AXIN2: variants seen among roughly 807,000 people sequenced by gnomAD.
AXIN2 encodes axin 2.
Under a neutral mutation model 74.7 loss-of-function variants are expected in AXIN2, and 21 were observed. That is an observed-to-expected ratio of 0.28 (90% CI 0.20 to 0.40). AXIN2 has a LOEUF of 0.40. Among genes scored for constraint, AXIN2 ranks in the 10% least tolerant of loss-of-function variants. AXIN2 has a pLI of 1.00. For synonymous variants in AXIN2, 532 were observed against 454.9 expected, an observed-to-expected ratio of 1.17 and a Z score of -2.16; for missense variants, 1,144 against 1,111.1, an observed-to-expected ratio of 1.03 and a Z score of -0.42.
At chr17:65,537,110 C>T in intron 6 of AXIN2, 47 bp from the exon 7 acceptor site, 2 of 1,578,638 alleles carry the variant, frequency 1.3e-6, no homozygotes, top group Non-Finnish European at 1.7e-6. Flanking sequence ...CCGGTTAAAT[C>T]TCCGGGACTC....
At chr17:65,537,161 C>T (rs2144453617) in intron 6 of AXIN2, 98 bp from the exon 7 acceptor site, 4 of 1,546,256 alleles carry the variant, frequency 2.6e-6, no homozygotes, top group East Asian at 4.6e-5. Flanking sequence ...GCTGGTGACA[C>T]GAAAGACCCA....
intron 1 of AXIN2, chr17:65,559,909 G>A (rs8081595): frequency 0.97 from 147,579 of 152,310 alleles, 71,765 homozygotes; most frequent in Non-Finnish European, 1. Flanking sequence ...GGCTGCCGTT[G>A]GCACCGCGCT....
At chr17:65,532,429 G>T (rs1401182293) in intron 10 of AXIN2, among the ~76,000 whole-genome samples, 3 of 152,192 alleles carry the variant, frequency 2.0e-5, no homozygotes, top group African/African-American at 4.8e-5. Context: ...AAAAGCAGCA[G>T]CAGCAGCAGC....
intron 4 of AXIN2, among the ~76,000 whole-genome samples, chr17:65,541,022 G>A (rs1026385252): frequency 3.3e-5 from 5 of 152,030 alleles, no homozygotes; most frequent in Admixed American, 6.6e-5. Flanking sequence ...GACTACAGGC[G>A]CACGTCACCA....
intron 4 of AXIN2, among the ~76,000 whole-genome samples, chr17:65,540,519 C>T (rs1286060240): frequency 6.6e-6 from 1 of 151,982 alleles, no homozygotes; most frequent in South Asian, 2.1e-4. Context: ...TCAGAAAATG[C>T]AAAGGTTCAA....
Position 65,537,395 on chromosome 17 carries a change from G to A in AXIN2, c.1641C>T (p.Ser547=), listed in dbSNP as rs2043946409. 6.2e-7 allele frequency: 1 copy of A among 1,614,042 alleles called. No individual in the cohort carries two copies. The highest frequency in any genetic ancestry group is 8.5e-7 in the Non-Finnish European group (1 of 1,180,016). Residue 547 remains serine (S), a synonymous_variant, in exon 6 of 11, where the codon AGC becomes AGT. Transcript: ENST00000307078. ...TGCATTTCGAGTAGCAGTAATACTC[G>A]CTGCCCCCAGGGCAGAAGCAGTGCA... ...QRVHCFCPGG[S]EYYCYSKCKS...
intron 2 of AXIN2, among the ~76,000 whole-genome samples, chr17:65,550,619 C>T (rs1229484531): frequency 6.6e-6 from 1 of 152,142 alleles, no homozygotes; most frequent in Non-Finnish European, 1.5e-5. Flanking sequence ...CTCCACTGGT[C>T]CCACCAAGTC....
intron 3 of AXIN2, among the ~76,000 whole-genome samples, chr17:65,543,858 G>A (rs2044077757): frequency 6.6e-6 from 1 of 152,186 alleles, no homozygotes; most frequent in Non-Finnish European, 1.5e-5. Context: ...TAGCTATGGG[G>A]CTCGCCAGGT....
At chr17:65,530,225 C>T in intron 10 of AXIN2, 123 bp from the exon 11 acceptor site, 1 of 1,270,590 alleles carries the variant, frequency 7.9e-7, no homozygotes, top group Non-Finnish European at 1.1e-6. Context: ...TGTGCCTGTA[C>T]ACTGTTGCGC....
At chr17:65,534,123 G>A in intron 9 of AXIN2, 44 bp from the exon 10 acceptor site, 9 of 1,609,428 alleles carry the variant, frequency 5.6e-6, no homozygotes, top group Non-Finnish European at 7.7e-6. Context: ...TTTTAAAGCA[G>A]ACACACATCT....
Position 65,537,689 on chromosome 17 carries a change from G to T in AXIN2, c.1347C>A (p.Thr449=), listed in dbSNP as rs762279806. 1 of 1,557,104 alleles carries T rather than the reference G, an allele frequency of 6.4e-7. No homozygotes were observed. Among genetic ancestry groups the T allele is most frequent in the Non-Finnish European group, 8.7e-7 (1 of 1,151,176 alleles). The change falls in exon 6 of 11, where the codon ACC becomes ACA. Residue 449 remains threonine (T), a synonymous_variant. Transcript: ENST00000307078. Reference sequence around the variant, plus strand: ...CTACGCCTGGAGACTGGCAGCCAGGGGTCTTGAGGACCCTGGACAGGTGAT... The same window carrying T: ...CTACGCCTGGAGACTGGCAGCCAGGTGTCTTGAGGACCCTGGACAGGTGAT... ...LDDHLSRVLK[T]PGCQSPGVGR...
chr17:65,538,431 G>A (rs1037206684), intron 4 of AXIN2, 88 bp from the exon 5 acceptor site: 3 of 1,557,174 alleles, frequency 1.9e-6, no homozygotes, highest in South Asian at 2.3e-5. Context: ...ACCAGGCGCT[G>A]TGCACCGCAA....
intron 2 of AXIN2, among the ~76,000 whole-genome samples, chr17:65,550,853 C>T (rs1301012877): frequency 6.6e-6 from 1 of 152,138 alleles, no homozygotes; most frequent in Non-Finnish European, 1.5e-5. Context: ...CTGGTGGGGG[C>T]ATGTCACCAT....
chr17:65,537,366 C>A lies in AXIN2; in HGVS notation c.1670G>T (p.Ser557Ile), dbSNP rs2043945600. Residue 557 changes from serine (S) to isoleucine (I), a missense_variant, in exon 6 of 11, where the codon AGC (serine) becomes ATC (isoleucine). By Grantham distance (142) the Ser-to-Ile change is moderately radical. Coordinates refer to ENST00000307078, the MANE Select transcript of AXIN2 (RefSeq NM_004655.4). Reference protein sequence around the residue: ...SEYYCYSKCKSHSKAPETMPS... With the variant: ...SEYYCYSKCKIHSKAPETMPS... ...CATGGTTTCCGGAGCCTTGGAGTGG[C>A]TTTTGCATTTCGAGTAGCAGTAATA... The A allele has an allele frequency of 3.7e-6, 6 of 1,614,138 alleles. No homozygotes were observed. The highest frequency in any genetic ancestry group is 5.1e-6 in the Non-Finnish European group (6 of 1,180,046).
Position 65,533,892 on chromosome 17 carries a change from A to G in AXIN2, c.2405+20T>C. The stretch of plus-strand genomic sequence containing the variant: ...CTGAGCAAACAAACTGAGAGCAGAA[A>G]AAAGCCACAGGACTCTTACCTATAA... On this transcript the variant is annotated intron_variant, in intron 10 of 10. Coordinates refer to ENST00000307078, the MANE Select transcript of AXIN2 (RefSeq NM_004655.4). 1 of 1,613,010 alleles carries G rather than the reference A, an allele frequency of 6.2e-7. No individual in the cohort carries two copies. The highest frequency in any genetic ancestry group is 8.5e-7 in the Non-Finnish European group (1 of 1,179,670).
intron 4 of AXIN2, among the ~76,000 whole-genome samples, chr17:65,540,866 A>G (rs2044030697): frequency 7.6e-6 from 1 of 130,982 alleles, no homozygotes; most frequent in South Asian, 2.8e-4. Flanking sequence ...AGATCCATGA[A>G]CCAAATAAAC....
chr17:65,535,786 A>G, intron 8 of AXIN2, 65 bp from the exon 9 acceptor site: 1 of 1,475,518 alleles, frequency 6.8e-7, no homozygotes, highest in South Asian at 1.2e-5. Flanking sequence ...ATTGAAAAGC[A>G]GACAGAAAAT....
At chr17:65,555,166 G>C (rs1168595092) in intron 2 of AXIN2, among the ~76,000 whole-genome samples, 2 of 152,176 alleles carry the variant, frequency 1.3e-5, no homozygotes, top group African/African-American at 4.8e-5. Context: ...TAAACACAGG[G>C]CTTGCAAGCC....
In AXIN2 at chr17:65,558,753, G is replaced by GT. The variant is rs2044316432; in HGVS notation, c.-116-18_-116-17insA. The GT allele has an allele frequency of 1.1e-6, 1 of 894,638 alleles. No individual in the cohort carries two copies. The highest frequency in any genetic ancestry group is 1.6e-5 in the African/African-American group (1 of 60,788). 55.4% of individuals were successfully genotyped at this position (894,638 alleles called of 1,614,324 possible). The stretch of plus-strand genomic sequence containing the variant: ...ACCTCCTCTCTGGAAAGAAAAGGAA[G>GT]GGGGGAGGTGGGGAGAGAGAAAAGG... On this transcript the variant is annotated splice_polypyrimidine_tract_variant and intron_variant, in intron 1 of 10. Transcript: ENST00000307078.
Sources: allele counts gnomAD v4.1 joint callset (sites outside exome capture counted in the v4.1 genomes callset), GRCh38; gene constraint gnomAD v4.1.1; transcripts MANE v1.5; gene names NCBI Gene and HGNC (gene_info 2026-07-23, HGNC 2026-07-21).